The following SPATA6 variants were observed in gnomAD, a reference collection of about 807,000 sequenced individuals.
SPATA6 encodes the protein spermatogenesis-associated protein 6.
A neutral mutation model predicts 65.3 loss-of-function variants in SPATA6; 56 were observed. The ratio of observed to expected loss-of-function variants is 0.86; its 90% CI spans 0.69 to 1.07. The LOEUF (loss-of-function observed/expected upper bound fraction) is 1.07. SPATA6 is among the 50% of genes least tolerant of loss of function. SPATA6 has a pLI of 0.00. For synonymous variants in SPATA6, 199 were observed against 213.2 expected (o/e 0.93, Z 0.58); for missense variants, 590 against 594.8 (o/e 0.99, Z 0.08).
the SPATA6 span, among the ~76,000 whole-genome samples, chr1:48,276,861 C>A: frequency 3.6e-4 from 55 of 152,110 alleles, no homozygotes; most frequent in African/African-American, 1.1e-3. Context: ...TGGTCCGGAG[C>A]TGAATTCAAG....
chr1:48,402,297 C>T (rs1651238640), intron 6 of SPATA6, among the ~76,000 whole-genome samples: 1 of 151,928 alleles, frequency 6.6e-6, no homozygotes, highest in Non-Finnish European at 1.5e-5. Context: ...AATGTATGTA[C>T]TTTTCTATGT....
chr1:48,300,194 A>G (rs1419146162), intron 12 of SPATA6, among the ~76,000 whole-genome samples: 5 of 152,192 alleles, frequency 3.3e-5, no homozygotes, highest in African/African-American at 1.2e-4. Flanking sequence ...TAATTTTACT[A>G]ACATAAATTC....
chr1:48,449,287 T>A (rs1003409068), intron 3 of SPATA6, among the ~76,000 whole-genome samples: 1 of 152,198 alleles, frequency 6.6e-6, no homozygotes, highest in Non-Finnish European at 1.5e-5. Flanking sequence ...GGGCGCCTTA[T>A]AATGGAGGAA....
At chr1:48,448,921 T>G (rs972734925) in intron 3 of SPATA6, among the ~76,000 whole-genome samples, 2 of 152,142 alleles carry the variant, frequency 1.3e-5, no homozygotes, top group Non-Finnish European at 2.9e-5. Context: ...AGGGACTTTT[T>G]GGGGTGGTAG....
At chr1:48,386,841 T>C (rs1318384842) in intron 8 of SPATA6, among the ~76,000 whole-genome samples, 1 of 152,150 alleles carries the variant, frequency 6.6e-6, no homozygotes, top group African/African-American at 2.4e-5. Context: ...AAGGCACCAC[T>C]TTAGAACTCC....
chr1:48,326,839 A>C (rs1489226104), intron 11 of SPATA6, among the ~76,000 whole-genome samples: 2 of 152,160 alleles, frequency 1.3e-5, no homozygotes, highest in East Asian at 3.9e-4. Context: ...CTCACCATAC[A>C]CAGTAATTAA....
chr1:48,404,876 G>A (rs904381555), intron 5 of SPATA6, among the ~76,000 whole-genome samples: 9 of 152,168 alleles, frequency 5.9e-5, no homozygotes, highest in African/African-American at 2.2e-4. Flanking sequence ...CAGTCACAAA[G>A]TATCTGTGAA....
chr1:48,277,710 A>C, the SPATA6 span, among the ~76,000 whole-genome samples: 1 of 152,238 alleles, frequency 6.6e-6, no homozygotes, highest in African/African-American at 2.4e-5. Context: ...CCACAGCTCA[A>C]GGAGGCCTGC....
intron 11 of SPATA6, among the ~76,000 whole-genome samples, chr1:48,348,668 C>T (rs918212042): frequency 6.6e-6 from 1 of 152,052 alleles, no homozygotes; most frequent in Admixed American, 6.6e-5. Context: ...GGTGTGCTCA[C>T]TGCTATTGTC....
chr1:48,444,847 C>A (rs779503601), intron 3 of SPATA6, among the ~76,000 whole-genome samples: 1 of 152,196 alleles, frequency 6.6e-6, no homozygotes, highest in Admixed American at 6.5e-5. Context: ...AAGAAACCAA[C>A]TCCAGACACA....
intron 9 of SPATA6, among the ~76,000 whole-genome samples, chr1:48,369,611 T>G (rs962678607): frequency 2.0e-5 from 3 of 152,106 alleles, no homozygotes; most frequent in African/African-American, 7.2e-5. Context: ...TGGTGTGCCG[T>G]TTTTTAAGCC....
chr1:48,449,580 C>T (rs1656368840), intron 3 of SPATA6, among the ~76,000 whole-genome samples: 1 of 152,036 alleles, frequency 6.6e-6, no homozygotes, highest in African/African-American at 2.4e-5. Context: ...CTAACAAATC[C>T]ACAGTATTAA....
intron 12 of SPATA6, 22 bp from the exon 13 acceptor site, chr1:48,298,915 G>T: frequency 2.5e-6 from 4 of 1,601,702 alleles, no homozygotes; most frequent in Non-Finnish European, 3.4e-6. Flanking sequence ...GATATAAAAG[G>T]TTCAAAACAA....
At position 48,382,434 on chromosome 1, in the gene SPATA6, T is replaced by C. The variant is rs1156406711; in HGVS notation, c.909+2875A>G. On this transcript the variant is annotated intron_variant, in intron 9 of 12. Transcript: ENST00000371847. ...CCGGGCAGAGGCACCCCTCACCTCCTGGATAGGGCGGCTGGCTGGGCGGGG... is the reference window on the plus strand; with the variant it reads ...CCGGGCAGAGGCACCCCTCACCTCCCGGATAGGGCGGCTGGCTGGGCGGGG... Among the ~76,000 whole-genome samples the C allele has an allele frequency of 2.7e-3, 360 of 132,392 alleles. 1 individual carries two copies. Among genetic ancestry groups the C allele is most frequent in the Middle Eastern group, 4.6e-3 (1 of 216 alleles). The allele number at this position is 132,392 out of a possible 152,430, so 86.9% of individuals were successfully genotyped here.
chr1:48,358,056 T>A (rs189161772), intron 10 of SPATA6, among the ~76,000 whole-genome samples: 242 of 152,088 alleles, frequency 1.6e-3, no homozygotes, highest in Non-Finnish European at 2.8e-3. Context: ...TCATCCTGAG[T>A]GAAAATAATG....
chr1:48,396,533 G>A (rs1650602877), intron 7 of SPATA6, among the ~76,000 whole-genome samples: 1 of 147,406 alleles, frequency 6.8e-6, no homozygotes, highest in African/African-American at 2.5e-5. Context: ...ATCAAGAGAA[G>A]AATGAACAAA....
chr1:48,325,333 C>G lies in SPATA6; in HGVS notation c.1195-19455G>C. 3.9e-6 allele frequency: 5 copies of G among 1,297,242 alleles called. 1 individual carries two copies. The South Asian group carries it at 5.0e-5, about 13-fold the overall frequency. 80.4% of individuals were successfully genotyped at this position (1,297,242 alleles called of 1,614,324 possible). ...TCACTGTGTGTAGGGCACAGGCCCC[C>G]GTAGAGTCCTCCCCTGAAGGCAAAG... On this transcript the variant is annotated intron_variant, in intron 11 of 12. Transcript: ENST00000371847.
chr1:48,305,954 T>C (rs1645052184), intron 11 of SPATA6, 76 bp from the exon 12 acceptor site: 3 of 1,072,846 alleles, frequency 2.8e-6, no homozygotes, highest in South Asian at 1.5e-5. Flanking sequence ...CTTCATAAAA[T>C]GCTCTTCCCC....
At chr1:48,428,817 A>ATATATATGTGTGTATATATATGTG (rs1557698528) in intron 3 of SPATA6, among the ~76,000 whole-genome samples, 1 of 97,630 alleles carries the variant, frequency 1.0e-5, no homozygotes, top group Non-Finnish European at 2.5e-5. Flanking sequence ...GTGTATATGT[A>ATATATATGTGTGTATATATATGTG]TATATATGTG....
Sources: allele counts gnomAD v4.1 joint callset (sites outside exome capture counted in the v4.1 genomes callset), GRCh38; gene constraint gnomAD v4.1.1; transcripts MANE v1.5; gene names NCBI Gene and HGNC (gene_info 2026-07-23, HGNC 2026-07-21).